The following CIP2A variants were observed in gnomAD, a reference collection of about 807,000 sequenced individuals.
The protein encoded by CIP2A is cellular inhibitor of PP2A, also known as protein CIP2A.
Under a neutral mutation model 110.9 loss-of-function variants are expected in CIP2A, and 103 were observed. The ratio of observed to expected loss-of-function variants is 0.93; its 90% confidence interval spans 0.79 to 1.09. The LOEUF is 1.09. Among genes scored for constraint, CIP2A ranks in the 50% least tolerant of loss-of-function variants. CIP2A has a pLI of 0.00. For missense variants in CIP2A, 1,088 were observed against 1,038.4 expected, an observed-to-expected ratio of 1.05 and a Z score of -0.66; for synonymous variants, 381 against 361.6, an observed-to-expected ratio of 1.05 and a Z score of -0.61.
Position 108,565,441 on chromosome 3 carries a change from C to A in CIP2A, c.1429G>T (p.Asp477Tyr). ...ADSELCKLAA[D>Y]VILKTLDLIN... ...AAATCAAGAGTTTTCAAAATTACAT[C>A]AGCAGCAAGTTTGCTTTAAAGATAA... The change falls in exon 12 of 21, where the codon GAT (aspartate) becomes TAT (tyrosine). Residue 477 changes from aspartate (D) to tyrosine (Y), a missense_variant. Physicochemically the swap from Asp to Tyr is radical, Grantham distance 160. Transcript: ENST00000295746. 2 of 1,584,998 alleles carry A rather than the reference C, an allele frequency of 1.3e-6. No homozygotes were observed. The highest frequency in any genetic ancestry group is 1.2e-5 in the South Asian group (1 of 86,558).
rs896258339 is a variant in CIP2A at position 108,550,224 on chromosome 3, A to C, written c.*925T>G. Reference sequence around the variant, plus strand: ...AGAAGGACCCTTGTATTTTAAAAAAAATAAAGATATTTAACCTATGCTTTA... The same window carrying C: ...AGAAGGACCCTTGTATTTTAAAAAACATAAAGATATTTAACCTATGCTTTA... On this transcript the variant is annotated 3_prime_UTR_variant, in exon 21 of 21. Coordinates refer to ENST00000295746, the MANE Select transcript of CIP2A (RefSeq NM_020890.3). 6.6e-6 allele frequency: 1 copy of C among 151,658 alleles called. No homozygotes were observed. Among genetic ancestry groups the C allele is most frequent in the Non-Finnish European group, 1.5e-5 (1 of 67,746 alleles). 9.4% of individuals were successfully genotyped at this position (151,658 alleles called of 1,614,324 possible).
intron 3 of CIP2A, 134 bp downstream of exon 3, chr3:108,582,843 G>A (rs971053450): frequency 2.3e-6 from 1 of 431,282 alleles, no homozygotes; most frequent in African/African-American, 2.0e-5. Flanking sequence ...AGCTTTTAAT[G>A]AGATGAACTG....
At chr3:108,568,368 A>C in intron 9 of CIP2A, 54 bp from the exon 10 acceptor site, 1 of 1,455,964 alleles carries the variant, frequency 6.9e-7, no homozygotes, top group East Asian at 2.4e-5. Context: ...TATACAATAC[A>C]GAAAAAGTCA....
intron 11 of CIP2A, among the ~76,000 whole-genome samples, chr3:108,566,068 T>C (rs940429772): frequency 1.3e-5 from 2 of 151,716 alleles, no homozygotes; most frequent in Admixed American, 1.3e-4. Context: ...CCTTTAACCA[T>C]AATTCCTGAC....
At position 108,568,291 on chromosome 3, in the gene CIP2A, A is replaced by T; in HGVS notation, c.1137T>A (p.Cys379Ter). 6.2e-7 allele frequency: 1 copy of T among 1,611,914 alleles called. No homozygotes were observed. Among genetic ancestry groups the T allele is most frequent in the Non-Finnish European group, 8.5e-7 (1 of 1,178,564 alleles). ...GGGTCACAAAACGATCAGCCGAGGA[A>T]CAGTTAGCAGCATCTATGACATCCT... ...IFEDVIDAAN[C>*]SSADRFVTLL... Residue 379 changes from cysteine (C) to a stop codon, truncating the protein, a stop_gained, in exon 10 of 21, where the codon TGT becomes TGA. Transcript: ENST00000295746. LOFTEE classifies it high-confidence loss of function.
At chr3:108,579,506 C>T in intron 6 of CIP2A, 60 bp downstream of exon 6, 1 of 1,557,584 alleles carries the variant, frequency 6.4e-7, no homozygotes, top group Non-Finnish European at 8.7e-7. Flanking sequence ...AAAAAAGTCT[C>T]AATGACTTTT....
chr3:108,573,409 G>A (rs546724904), intron 8 of CIP2A, among the ~76,000 whole-genome samples: 6 of 150,924 alleles, frequency 4.0e-5, no homozygotes, highest in South Asian at 2.1e-4. Flanking sequence ...ATCATAACGC[G>A]AATTATTTTT....
At chr3:108,576,775 TAAA>T (rs1938668446) in intron 7 of CIP2A, among the ~76,000 whole-genome samples, 1 of 152,074 alleles carries the variant, frequency 6.6e-6, no homozygotes, top group Admixed American at 6.5e-5. Flanking sequence ...TCTCTGCAAA[TAAA>T]GAAGTAAGGG....
intron 10 of CIP2A, among the ~76,000 whole-genome samples, chr3:108,567,921 A>T (rs555760287): frequency 1.3e-5 from 2 of 152,134 alleles, no homozygotes; most frequent in African/African-American, 2.4e-5. Context: ...ACAGCATTTT[A>T]AAAAATGTAC....
intron 2 of CIP2A, among the ~76,000 whole-genome samples, chr3:108,583,718 G>A (rs1241629299): frequency 6.6e-6 from 1 of 152,074 alleles, no homozygotes; most frequent in Admixed American, 6.6e-5. Flanking sequence ...GTAGAGTAAG[G>A]TGACTATAGT....
At chr3:108,575,464 G>T (rs1466088005) in intron 8 of CIP2A, among the ~76,000 whole-genome samples, 1 of 146,898 alleles carries the variant, frequency 6.8e-6, no homozygotes, top group African/African-American at 2.5e-5. Context: ...ATGTATACAT[G>T]TGAGTATATA....
At chr3:108,575,600 A>ACG in intron 8 of CIP2A, among the ~76,000 whole-genome samples, 1 of 143,858 alleles carries the variant, frequency 7.0e-6, no homozygotes, top group Non-Finnish European at 1.5e-5. Context: ...ATATACGTGT[A>ACG]TATATACTCA....
intron 7 of CIP2A, among the ~76,000 whole-genome samples, chr3:108,577,358 G>A (rs1458558307): frequency 6.6e-6 from 1 of 152,106 alleles, no homozygotes; most frequent in African/African-American, 2.4e-5. Context: ...TGAATAGGAG[G>A]CCCCGAAGAG....
chr3:108,575,445 TACATATAC>T, intron 8 of CIP2A, among the ~76,000 whole-genome samples: 1 of 149,220 alleles, frequency 6.7e-6, no homozygotes, highest in South Asian at 2.1e-4. Context: ...CATACATATA[TACATATAC>T]ATGTATACAT....
intron 8 of CIP2A, 71 bp from the exon 9 acceptor site, chr3:108,569,678 A>T: frequency 8.8e-7 from 1 of 1,132,386 alleles, no homozygotes; most frequent in Non-Finnish European, 1.3e-6. Flanking sequence ...GTGTATGATG[A>T]AGCTGAAAAT....
Position 108,579,549 on chromosome 3 carries a change from T to C in CIP2A, c.672+17A>G. Reference sequence around the variant, plus strand: ...CAGACTATAAACTTCAGAATAAATTTGAAAAATTGTATTTACCTTTTCCCC... The same window carrying C: ...CAGACTATAAACTTCAGAATAAATTCGAAAAATTGTATTTACCTTTTCCCC... On this transcript the variant is annotated intron_variant, in intron 6 of 20. Coordinates refer to ENST00000295746, the MANE Select transcript of CIP2A (RefSeq NM_020890.3). 1 of 1,576,136 alleles carries C rather than the reference T, an allele frequency of 6.3e-7. No individual in the cohort carries two copies. The highest frequency in any genetic ancestry group is 8.6e-7 in the Non-Finnish European group (1 of 1,160,962).
chr3:108,563,783 G>A lies in CIP2A; in HGVS notation c.1516-539C>T, dbSNP rs1433338166. Among the ~76,000 whole-genome samples the A allele has an allele frequency of 4.6e-5, 7 of 151,986 alleles. No individual in the cohort carries two copies. The East Asian group carries it at 1.3e-3, about 29-fold the overall frequency. ...ATCTAAAATGTCTGGGACCAGAAGTGTTTCAAATTTCTGATTTTTTTCAGA... is the reference window on the plus strand; with the variant it reads ...ATCTAAAATGTCTGGGACCAGAAGTATTTCAAATTTCTGATTTTTTTCAGA... On this transcript the variant is annotated intron_variant, in intron 12 of 20. Coordinates refer to ENST00000295746, the MANE Select transcript of CIP2A (RefSeq NM_020890.3).
intron 10 of CIP2A, among the ~76,000 whole-genome samples, chr3:108,567,549 TA>T (rs139229131): frequency 0.013 from 2,047 of 151,944 alleles, 61 homozygotes; most frequent in African/African-American, 0.046. Flanking sequence ...TATGAAAAAG[TA>T]AACACAAGGA....
chr3:108,571,739 T>G (rs755137837), intron 8 of CIP2A, among the ~76,000 whole-genome samples: 1 of 152,208 alleles, frequency 6.6e-6, no homozygotes, highest in Non-Finnish European at 1.5e-5. Flanking sequence ...TACTACATTT[T>G]GTACACATGT....
Sources: allele counts gnomAD v4.1 joint callset (sites outside exome capture counted in the v4.1 genomes callset), GRCh38; gene constraint gnomAD v4.1.1; transcripts MANE v1.5; gene names NCBI Gene and HGNC (gene_info 2026-07-23, HGNC 2026-07-21).